The following ST6GALNAC3 variants were observed in gnomAD, a reference collection of about 807,000 sequenced individuals.
The protein encoded by ST6GALNAC3 is ST6 N-acetylgalactosaminide alpha-2,6-sialyltransferase 3.
ST6GALNAC3 carries 25 observed loss-of-function variants against 32.7 expected under a neutral mutation model. The ratio of observed to expected loss-of-function variants is 0.76; its 90% CI spans 0.56 to 1.07. The LOEUF is 1.07. ST6GALNAC3 is among the 50% of genes least tolerant of loss of function. The probability of loss-of-function intolerance (pLI) is 0.00; values close to 1 mark genes in which losing one functional copy is unlikely to be tolerated. For synonymous variants in ST6GALNAC3, 129 were observed against 133.1 expected (o/e 0.97, Z 0.21); for missense variants, 355 against 382.4 (o/e 0.93, Z 0.60).
At chr1:76,594,189 G>A (rs972028886) in intron 3 of ST6GALNAC3, among the ~76,000 whole-genome samples, 2 of 151,980 alleles carry the variant, frequency 1.3e-5, no homozygotes, top group African/African-American at 2.4e-5. Context: ...GAGTATAAAC[G>A]TAAAAAATAC....
intron 1 of ST6GALNAC3, among the ~76,000 whole-genome samples, chr1:76,220,256 A>T (rs1655692772): frequency 6.6e-6 from 1 of 152,220 alleles, no homozygotes; most frequent in Admixed American, 6.5e-5. Context: ...TTGAAGAATT[A>T]TCTACCTAAT....
At chr1:76,276,193 A>C in intron 1 of ST6GALNAC3, among the ~76,000 whole-genome samples, 1 of 150,258 alleles carries the variant, frequency 6.7e-6, no homozygotes, top group Non-Finnish European at 1.5e-5. Context: ...TATATGTACT[A>C]TATATATATA....
chr1:76,538,595 T>C (rs1663781406), intron 3 of ST6GALNAC3, among the ~76,000 whole-genome samples: 1 of 152,198 alleles, frequency 6.6e-6, no homozygotes, highest in Non-Finnish European at 1.5e-5. Flanking sequence ...TGTTTGCAGA[T>C]GACATGATTT....
intron 3 of ST6GALNAC3, chr1:76,577,378 T>C: frequency 1.0e-6 from 1 of 959,274 alleles, no homozygotes; most frequent in Non-Finnish European, 1.2e-6. Flanking sequence ...CTTAATCTTT[T>C]AGTGGAAATC....
chr1:76,313,908 G>C lies in ST6GALNAC3; in HGVS notation c.122G>C (p.Gly41Ala), dbSNP rs750254813. ...VNFPLLLNCFGQPGTKWIPFS... is the reference protein window; with the variant it reads ...VNFPLLLNCFAQPGTKWIPFS... ...TTCCCATTGCTACTAAACTGCTTTG[G>C]ACAACCTGGTACAAAGTGGATACCA... Residue 41 changes from glycine to alanine, a missense_variant, in exon 2 of 5, where the codon GGA (glycine) becomes GCA (alanine). Gly to Ala is a moderately conservative substitution (Grantham distance 60, BLOSUM62 0). Transcript: ENST00000328299. 6.2e-7 allele frequency: 1 copy of C among 1,613,450 alleles called. No homozygotes were observed. The highest frequency in any genetic ancestry group is 1.1e-5 in the South Asian group (1 of 91,082).
intron 1 of ST6GALNAC3, among the ~76,000 whole-genome samples, chr1:76,197,364 G>A (rs1221275131): frequency 3.9e-5 from 6 of 152,122 alleles, no homozygotes; most frequent in African/African-American, 1.4e-4. Context: ...AAATATGCAT[G>A]GACTCTGATT....
chr1:76,432,956 T>C (rs1244189250), intron 3 of ST6GALNAC3, among the ~76,000 whole-genome samples: 1 of 152,130 alleles, frequency 6.6e-6, no homozygotes, highest in African/African-American at 2.4e-5. Context: ...GCATCTCCAT[T>C]CTCATTATGT....
chr1:76,105,375 T>C (rs1647451597), intron 1 of ST6GALNAC3, among the ~76,000 whole-genome samples: 1 of 152,224 alleles, frequency 6.6e-6, no homozygotes, highest in East Asian at 1.9e-4. Flanking sequence ...GGTGTGCCCC[T>C]AGATGATTTC....
At position 76,412,037 on chromosome 1, in the gene ST6GALNAC3, C is replaced by T; in HGVS notation, c.243C>T (p.Ala81=). Residue 81 remains alanine (A), a synonymous_variant, in exon 3 of 5, where the codon GCC becomes GCT. Transcript: ENST00000328299. The part of the protein sequence containing the change: ...EPLQLDCDLC[A]IVSNSGQMVG... ...TGCAACTGGACTGTGACCTTTGTGC[C>T]ATAGTGTCAAACTCAGGTCAGATGG... The T allele has an allele frequency of 6.2e-7, 1 of 1,613,310 alleles. No homozygotes were observed. Among genetic ancestry groups the T allele is most frequent in the Non-Finnish European group, 8.5e-7 (1 of 1,179,634 alleles).
intron 2 of ST6GALNAC3, among the ~76,000 whole-genome samples, chr1:76,352,309 T>C (rs1570931536): frequency 6.6e-6 from 1 of 152,026 alleles, no homozygotes; most frequent in Non-Finnish European, 1.5e-5. Flanking sequence ...CATTGTTCTG[T>C]GTTTTTGGCT....
At chr1:76,117,767 G>T (rs1321259265) in intron 1 of ST6GALNAC3, among the ~76,000 whole-genome samples, 2 of 152,314 alleles carry the variant, frequency 1.3e-5, no homozygotes, top group African/African-American at 4.8e-5. Context: ...TTGGGAAGCA[G>T]TGTAGTATAT....
intron 1 of ST6GALNAC3, among the ~76,000 whole-genome samples, chr1:76,199,438 T>G (rs528569042): frequency 1.3e-5 from 2 of 152,310 alleles, no homozygotes; most frequent in East Asian, 1.9e-4. Flanking sequence ...AAATCCACTT[T>G]TGATGAAAAA....
chr1:76,376,525 A>G (rs1651248311), intron 2 of ST6GALNAC3, among the ~76,000 whole-genome samples: 1 of 152,128 alleles, frequency 6.6e-6, no homozygotes, highest in Non-Finnish European at 1.5e-5. Context: ...TAATTTTGCC[A>G]TTTTAAGAAC....
chr1:76,525,801 A>ATATATACG (rs1557528909), intron 3 of ST6GALNAC3, among the ~76,000 whole-genome samples: 1 of 67,790 alleles, frequency 1.5e-5, no homozygotes, highest in Non-Finnish European at 2.8e-5. Flanking sequence ...GTATATATAT[A>ATATATACG]TATATATATA....
chr1:76,292,018 G>A (rs1660126712), intron 1 of ST6GALNAC3, among the ~76,000 whole-genome samples: 1 of 152,200 alleles, frequency 6.6e-6, no homozygotes, highest in African/African-American at 2.4e-5. Context: ...TACTGGGGGA[G>A]ATTTATGGCC....
At chr1:76,564,328 A>G (rs1212244165) in intron 3 of ST6GALNAC3, among the ~76,000 whole-genome samples, 3 of 152,142 alleles carry the variant, frequency 2.0e-5, no homozygotes, top group Non-Finnish European at 4.4e-5. Flanking sequence ...TTTTAAACCT[A>G]CTTTGTATTT....
chr1:76,296,095 C>A (rs894253664), intron 1 of ST6GALNAC3, among the ~76,000 whole-genome samples: 1 of 152,038 alleles, frequency 6.6e-6, no homozygotes, highest in Non-Finnish European at 1.5e-5. Context: ...TGAGAAATGG[C>A]AGGTTACTAT....
chr1:76,626,987 T>C lies in ST6GALNAC3; in HGVS notation c.624-465T>C, dbSNP rs535543176. ...GTTATTCACATACACTGCATGTAAGTTACACTTAGAAACCCAAGCAGCCTT... is the reference window on the plus strand; with the variant it reads ...GTTATTCACATACACTGCATGTAAGCTACACTTAGAAACCCAAGCAGCCTT... On this transcript the variant is annotated intron_variant, in intron 3 of 4. Coordinates refer to ENST00000328299, the MANE Select transcript of ST6GALNAC3 (RefSeq NM_152996.4). Among the ~76,000 whole-genome samples the C allele has an allele frequency of 3.3e-5, 5 of 152,038 alleles. No homozygotes were observed. In the South Asian group the frequency reaches 1.0e-3, roughly 31 times the overall value.
intron 1 of ST6GALNAC3, among the ~76,000 whole-genome samples, chr1:76,156,777 G>A (rs1472922796): frequency 1.3e-5 from 2 of 152,176 alleles, no homozygotes; most frequent in Admixed American, 1.3e-4. Context: ...TCTCGCCCAG[G>A]CTGGAGTACA....
Sources: allele counts gnomAD v4.1 joint callset (sites outside exome capture counted in the v4.1 genomes callset), GRCh38; gene constraint gnomAD v4.1.1; transcripts MANE v1.5; gene names NCBI Gene and HGNC (gene_info 2026-07-23, HGNC 2026-07-21).